UPP2: variants seen among roughly 807,000 people sequenced by gnomAD.
UPP2 encodes UPase 2.
Under a neutral mutation model 26.7 loss-of-function variants are expected in UPP2, and 23 were observed. The ratio of observed to expected loss-of-function variants is 0.86; its 90% confidence interval spans 0.62 to 1.22. The LOEUF (loss-of-function observed/expected upper bound fraction) is 1.22, where lower values mean the gene tolerates loss of function less well. UPP2 is among the 50% of genes most tolerant of loss of function. UPP2 has a pLI of 0.00. For missense variants in UPP2, 387 were observed against 396.7 expected, an observed-to-expected ratio of 0.98 and a Z score of 0.21; for synonymous variants, 127 against 141.3, an observed-to-expected ratio of 0.90 and a Z score of 0.72.
rs758760578 is a variant in UPP2, at chr2:158,115,190, C to G, written c.270C>G (p.Asp90Glu). 6.2e-7 allele frequency: 1 copy of G among 1,613,568 alleles called. No homozygotes were observed. Among genetic ancestry groups the G allele is most frequent in the Non-Finnish European group, 8.5e-7 (1 of 1,179,826 alleles). ...KELGFEEAEE[D>E]IKDICAGTDR... ...TCGGGTTTGAGGAAGCTGAAGAAGA[C>G]ATAAAAGACATCTGTGCTGGGACAG... is the stretch of plus-strand genomic sequence containing the variant. The change falls in exon 3 of 7, where the codon GAC (aspartate) becomes GAG (glutamate). Residue 90 changes from aspartate to glutamate, a missense_variant. Transcript: ENST00000005756.
chr2:158,019,713 A>G (rs1033411642), intron 3 of UPP2, among the ~76,000 whole-genome samples: 10 of 151,524 alleles, frequency 6.6e-5, no homozygotes, highest in African/African-American at 2.4e-4. Flanking sequence ...AGAGAGAGAA[A>G]TTCTATCTTG....
At chr2:158,063,758 C>A (rs758265973) in intron 3 of UPP2, among the ~76,000 whole-genome samples, 9 of 152,160 alleles carry the variant, frequency 5.9e-5, no homozygotes, top group East Asian at 3.9e-4. Flanking sequence ...GCCTCCACCC[C>A]CCGACAGGTC....
chr2:158,028,456 C>T (rs1296808776), intron 3 of UPP2, among the ~76,000 whole-genome samples: 1 of 152,164 alleles, frequency 6.6e-6, no homozygotes, highest in Non-Finnish European at 1.5e-5. Context: ...TCAGCCTGGA[C>T]CTTATTGTCC....
intron 3 of UPP2, among the ~76,000 whole-genome samples, chr2:158,063,774 G>C (rs771294913): frequency 6.6e-6 from 1 of 152,092 alleles, no homozygotes; most frequent in Non-Finnish European, 1.5e-5. Context: ...AGGTCTTGGC[G>C]TGTGATGTTC....
At chr2:158,077,133 A>G (rs995641735) in intron 3 of UPP2, among the ~76,000 whole-genome samples, 9 of 152,136 alleles carry the variant, frequency 5.9e-5, no homozygotes, top group African/African-American at 2.2e-4. Context: ...CTATAATGAA[A>G]ACTAAACATT....
intron 3 of UPP2, among the ~76,000 whole-genome samples, chr2:158,041,769 C>T (rs187398919): frequency 4.9e-4 from 75 of 152,204 alleles, no homozygotes; most frequent in African/African-American, 1.7e-3. Flanking sequence ...CTTTCCCATC[C>T]GATGTTGGAA....
chr2:158,083,550 C>T (rs981324016), intron 3 of UPP2, among the ~76,000 whole-genome samples: 156 of 151,358 alleles, frequency 1.0e-3, no homozygotes, highest in Non-Finnish European at 4.0e-4. Context: ...CACCAGGGCC[C>T]GTTGGGGGAT....
intron 3 of UPP2, among the ~76,000 whole-genome samples, chr2:158,059,163 C>G (rs1278600825): frequency 6.6e-6 from 1 of 152,168 alleles, no homozygotes; most frequent in Non-Finnish European, 1.5e-5. Context: ...ACTATCTAGT[C>G]GATTGTGACT....
chr2:158,017,183 G>A (rs1300521361), intron 3 of UPP2, among the ~76,000 whole-genome samples: 1 of 152,118 alleles, frequency 6.6e-6, no homozygotes, highest in Non-Finnish European at 1.5e-5. Context: ...TTAAGACCCT[G>A]TTAAATAACC....
At chr2:158,060,076 G>T (rs1682329771) in intron 3 of UPP2, among the ~76,000 whole-genome samples, 1 of 152,068 alleles carries the variant, frequency 6.6e-6, no homozygotes, top group Non-Finnish European at 1.5e-5. Context: ...TCTGATTTGT[G>T]TGTGTGCGTG....
intron 3 of UPP2, among the ~76,000 whole-genome samples, chr2:158,082,013 T>C (rs1682735481): frequency 6.6e-6 from 1 of 151,902 alleles, no homozygotes; most frequent in African/African-American, 2.4e-5. Context: ...AGTGGCTCTA[T>C]CTCGGCTCAC....
At chr2:158,034,315 G>A (rs1248561771) in intron 3 of UPP2, among the ~76,000 whole-genome samples, 1 of 152,232 alleles carries the variant, frequency 6.6e-6, no homozygotes, top group Non-Finnish European at 1.5e-5. Flanking sequence ...ACTCCGCAGG[G>A]CAGGGAAAGC....
chr2:158,091,815 G>T (rs1287084134), intron 3 of UPP2, among the ~76,000 whole-genome samples: 1 of 152,188 alleles, frequency 6.6e-6, no homozygotes, highest in Non-Finnish European at 1.5e-5. Context: ...AAGTGCAAAG[G>T]CATGAACAAC....
At chr2:158,084,114 A>G (rs1413559093) in intron 3 of UPP2, among the ~76,000 whole-genome samples, 1 of 152,070 alleles carries the variant, frequency 6.6e-6, no homozygotes, top group African/African-American at 2.4e-5. Flanking sequence ...GTACTAGTTT[A>G]CATTCTGACT....
At chr2:158,043,192 T>A (rs184280372) in intron 3 of UPP2, among the ~76,000 whole-genome samples, 555 of 152,260 alleles carry the variant, frequency 3.6e-3, no homozygotes, top group Non-Finnish European at 4.8e-3. Flanking sequence ...CTGGGGAGCA[T>A]TTCAATGAGA....
At chr2:158,124,877 G>A (rs1306587260) in intron 6 of UPP2, among the ~76,000 whole-genome samples, 1 of 152,144 alleles carries the variant, frequency 6.6e-6, no homozygotes, top group East Asian at 1.9e-4. Flanking sequence ...CAAAATGGAG[G>A]CCAAGCAAGC....
intron 3 of UPP2, among the ~76,000 whole-genome samples, chr2:158,092,114 T>A (rs1434122941): frequency 6.6e-6 from 1 of 152,126 alleles, no homozygotes; most frequent in Non-Finnish European, 1.5e-5. Context: ...AAAGGGAAGT[T>A]AATACATTAG....
chr2:158,098,565 T>C (rs1405196699), upstream of UPP2, among the ~76,000 whole-genome samples: 3 of 152,118 alleles, frequency 2.0e-5, no homozygotes, highest in Admixed American at 6.5e-5. Flanking sequence ...AGCTGCATCA[T>C]CACATAGAGC....
intron 5 of UPP2, among the ~76,000 whole-genome samples, chr2:158,122,943 T>C (rs1213175198): frequency 6.6e-6 from 1 of 151,538 alleles, no homozygotes; most frequent in African/African-American, 2.4e-5. Flanking sequence ...GAAAGTAGCG[T>C]GAAAGAGATA....
Sources: allele counts gnomAD v4.1 joint callset (sites outside exome capture counted in the v4.1 genomes callset), GRCh38; gene constraint gnomAD v4.1.1; transcripts MANE v1.5; gene names NCBI Gene and HGNC (gene_info 2026-07-23, HGNC 2026-07-21).